The following ERICH1 variants were observed in gnomAD, a reference collection of about 807,000 sequenced individuals.
The protein encoded by ERICH1 is glutamate rich 1.
In ERICH1, 56 loss-of-function variants were observed where a neutral mutation model predicts 39.6. That is an observed-to-expected ratio of 1.41 (90% CI 1.14 to 1.77). The LOEUF (loss-of-function observed/expected upper bound fraction) is 1.77, where lower values mean the gene tolerates loss of function less well. ERICH1 is among the 40% of genes most tolerant of loss of function. The pLI is 0.00. For synonymous variants in ERICH1, 313 were observed against 223.6 expected, an observed-to-expected ratio of 1.40 and a Z score of -3.57; for missense variants, 826 against 575.4, an observed-to-expected ratio of 1.44 and a Z score of -4.45.
rs1563319316 is a variant in ERICH1, at chr8:708,681, G to GTTTTTTTTTTGTTTT, written c.169+7179_169+7180insAAAACAAAAAAAAAA. ...GGGCTGAGTGGTTACGGGATAATGA[G>GTTTTTTTTTTGTTTT]TTTTTTTTTTTTTTTTTTTTTTTTT... is the stretch of plus-strand genomic sequence containing the variant. On this transcript the variant is annotated intron_variant, in intron 2 of 5. Transcript: ENST00000262109. 1.1e-3 allele frequency among the ~76,000 whole-genome samples: 74 copies of GTTTTTTTTTTGTTTT among 65,770 alleles called. 4 individuals are homozygous for GTTTTTTTTTTGTTTT. The highest frequency in any genetic ancestry group is 9.6e-3 in the Middle Eastern group (1 of 104). 43.1% of individuals were successfully genotyped at this position (65,770 alleles called of 152,430 possible).
chr8:660,335 T>A (rs1393145132), downstream of ERICH1, among the ~76,000 whole-genome samples: 3 of 152,076 alleles, frequency 2.0e-5, no homozygotes, highest in Non-Finnish European at 4.4e-5. Context: ...CCTGATGGAG[T>A]CAAATGACAT....
Position 695,528 on chromosome 8 carries a change from CT to C in ERICH1, c.170-2917del, listed in dbSNP as rs1257497028. 2.2e-5 allele frequency among the ~76,000 whole-genome samples: 3 copies of C among 134,222 alleles called. No homozygotes were observed. The East Asian group carries it at 6.5e-4, about 29-fold the overall frequency. 88.1% of individuals were successfully genotyped at this position (134,222 alleles called of 152,430 possible). ...TCCTCCCCATCAGCCTGCACCTGTG[CT>C]TGCTCCTCTCGCCCTCCACTCCTCT... On this transcript the variant is annotated intron_variant, in intron 2 of 5. Coordinates refer to ENST00000262109, the MANE Select transcript of ERICH1 (RefSeq NM_207332.3).
chr8:674,638 A>G (rs1192580145), intron 3 of ERICH1, among the ~76,000 whole-genome samples: 3 of 152,134 alleles, frequency 2.0e-5, no homozygotes, highest in East Asian at 1.9e-4. Context: ...TTTCATTTCT[A>G]TGGGCCTTTC....
chr8:616,450 G>A, intron 3 of ERICH1: 1 of 449,144 alleles, frequency 2.2e-6, no homozygotes, highest in South Asian at 1.6e-5. Flanking sequence ...TCCTGGCTAA[G>A]CGGATTCAGC....
Position 632,868 on chromosome 8 carries a change from G to C in ERICH1, c.977-17584C>G, listed in dbSNP as rs192247992. On this transcript the variant is annotated intron_variant, in intron 3 of 3. Transcript: ENST00000522706. ...GGGGTGTCGTTGTCATCTGTGGGTG[G>C]AGACCACGGATGCGGCTCAACACCC... is the stretch of plus-strand genomic sequence containing the variant. Among the ~76,000 whole-genome samples the C allele has an allele frequency of 2.0e-3, 301 of 152,326 alleles. 1 individual carries two copies. Among genetic ancestry groups the C allele is most frequent in the Non-Finnish European group, 3.2e-3 (218 of 68,034 alleles).
At position 645,198 on chromosome 8, in the gene ERICH1, C is replaced by G. The variant is rs1486817231; in HGVS notation, c.976+23400G>C. Among the ~76,000 whole-genome samples the G allele has an allele frequency of 2.9e-5, 2 of 67,926 alleles. 1 individual carries two copies. Among genetic ancestry groups the G allele is most frequent in the Non-Finnish European group, 9.2e-5 (2 of 21,804 alleles). The allele number at this position is 67,926 out of a possible 152,430, so 44.6% of individuals were successfully genotyped here. On this transcript the variant is annotated intron_variant, in intron 3 of 3. Transcript: ENST00000522706. Reference sequence around the variant, plus strand: ...CCTTTCCCTCGGCTGGCACTGGAGTCCGCGTTGAGCTGTGACCGCAGACGC... The same window carrying G: ...CCTTTCCCTCGGCTGGCACTGGAGTGCGCGTTGAGCTGTGACCGCAGACGC...
intron 3 of ERICH1, among the ~76,000 whole-genome samples, chr8:684,848 G>A (rs1376951569): frequency 6.6e-6 from 1 of 152,164 alleles, no homozygotes; most frequent in Non-Finnish European, 1.5e-5. Flanking sequence ...GGGAGGGAGT[G>A]TACAAATACG....
At chr8:718,440 AG>A (rs1189008759) in intron 1 of ERICH1, among the ~76,000 whole-genome samples, 1 of 152,248 alleles carries the variant, frequency 6.6e-6, no homozygotes, top group Non-Finnish European at 1.5e-5. Flanking sequence ...TTACATTTAT[AG>A]CCTAATTAAC....
chr8:687,506 G>C (rs1252337370), intron 3 of ERICH1, among the ~76,000 whole-genome samples: 1 of 152,266 alleles, frequency 6.6e-6, no homozygotes, highest in African/African-American at 2.4e-5. Flanking sequence ...CCCATGGGCA[G>C]AGAAGGGGCC....
chr8:635,356 G>A (rs1022303471), intron 3 of ERICH1, among the ~76,000 whole-genome samples: 4 of 152,186 alleles, frequency 2.6e-5, no homozygotes, highest in South Asian at 2.1e-4. Context: ...CGCCAAGCCC[G>A]GGCCGTTGGG....
intron 2 of ERICH1, among the ~76,000 whole-genome samples, chr8:696,189 A>T (rs569794386): frequency 1.7e-4 from 1 of 5,918 alleles, no homozygotes. Context: ...CTCACCCTCC[A>T]CTCCTCTCCT....
chr8:726,901 C>G (rs1161835037), intron 1 of ERICH1, among the ~76,000 whole-genome samples: 1 of 151,428 alleles, frequency 6.6e-6, no homozygotes, highest in East Asian at 1.9e-4. Flanking sequence ...ACATCCCAGA[C>G]ATGCATGTAC....
At position 717,360 on chromosome 8, in the gene ERICH1, G is replaced by A. The variant is rs113224892; in HGVS notation, c.23-1353C>T. Among the ~76,000 whole-genome samples, 291 of 152,272 alleles carry A rather than the reference G, an allele frequency of 1.9e-3. 2 individuals carry two copies. Among genetic ancestry groups the A allele is most frequent in the African/African-American group, 6.7e-3 (280 of 41,548 alleles). On this transcript the variant is annotated intron_variant, in intron 1 of 5. Transcript: ENST00000262109. ...GTGGTGAGCGGGTCCCACCCCTACAGAAAGGCCTTGCCTCAAGCATACCTG... is the reference window on the plus strand; with the variant it reads ...GTGGTGAGCGGGTCCCACCCCTACAAAAAGGCCTTGCCTCAAGCATACCTG...
At chr8:637,842 G>A (rs1584987706) in intron 3 of ERICH1, among the ~76,000 whole-genome samples, 3 of 152,200 alleles carry the variant, frequency 2.0e-5, no homozygotes, top group Admixed American at 6.5e-5. Context: ...GTCACCAGCC[G>A]TGCGAGAGCA....
chr8:615,652 T>C (rs1452742454), intron 3 of ERICH1: 1 of 181,790 alleles, frequency 5.5e-6, no homozygotes, highest in African/African-American at 2.3e-5. Context: ...GAAATCAACT[T>C]AATGGACTGT....
In ERICH1 at chr8:621,812, C is replaced by T. The variant is rs1797299654; in HGVS notation, c.977-6528G>A. Among the ~76,000 whole-genome samples the T allele has an allele frequency of 2.6e-5, 4 of 152,054 alleles. No homozygotes were observed. The South Asian group carries it at 8.3e-4, about 32-fold the overall frequency. On this transcript the variant is annotated intron_variant, in intron 3 of 3. Transcript: ENST00000522706. ...AAAAAGGATTATAAGTGAATAATATCAACAATTATGAGCCAACAAAGTTAA... is the reference window on the plus strand; with the variant it reads ...AAAAAGGATTATAAGTGAATAATATTAACAATTATGAGCCAACAAAGTTAA...
chr8:673,197 G>T, intron 4 of ERICH1, 92 bp downstream of exon 4: 4 of 1,379,966 alleles, frequency 2.9e-6, no homozygotes, highest in Non-Finnish European at 3.9e-6. Flanking sequence ...TATTTTTAAA[G>T]TATGTTTTAA....
chr8:671,811 G>A (rs2131845839), intron 4 of ERICH1: 2 of 166,972 alleles, frequency 1.2e-5, no homozygotes, highest in East Asian at 3.8e-4. Flanking sequence ...CTGGGCTCCA[G>A]GCTGAGACCT....
chr8:684,242 A>G (rs1210642190), intron 3 of ERICH1, among the ~76,000 whole-genome samples: 3 of 152,248 alleles, frequency 2.0e-5, no homozygotes, highest in Non-Finnish European at 4.4e-5. Context: ...GCAAGTCATT[A>G]AGTTAAAATT....
Sources: gnomAD v4.1 joint callset for allele counts (sites outside exome capture counted in the v4.1 genomes callset) on GRCh38, gnomAD v4.1.1 for gene constraint, MANE v1.5 for transcripts, NCBI Gene and HGNC (gene_info 2026-07-23, HGNC 2026-07-21) for gene names.